Variants in ANOS1 observed in about 807,000 individuals in gnomAD.
The protein encoded by ANOS1 is anosmin-1.
Under a neutral mutation model 59.0 loss-of-function variants are expected in ANOS1, and 6 were observed. That is an observed-to-expected ratio of 0.10 (90% CI 0.06 to 0.20). The LOEUF is 0.20. Among genes scored for constraint, ANOS1 ranks in the 10% least tolerant of loss-of-function variants. The pLI, the probability that ANOS1 is intolerant of heterozygous loss-of-function variation, is 1.00. For synonymous variants in ANOS1, 217 were observed against 223.4 expected (o/e 0.97, Z 0.25); for missense variants, 433 against 542.3 (o/e 0.80, Z 2.00).
Position 8,554,018 on chromosome X carries a change from C to T in ANOS1, c.1288G>A (p.Glu430Lys), listed in dbSNP as rs1384747986. The change falls in exon 9 of 14, where the codon GAA (glutamate) becomes AAA (lysine). Residue 430 changes from glutamate to lysine, a missense_variant. Physicochemically the swap from Glu to Lys is moderately conservative, Grantham distance 56 (BLOSUM62 1). Coordinates refer to ENST00000262648, the MANE Select transcript of ANOS1 (RefSeq NM_000216.4). Reference sequence around the variant, plus strand: ...TCCTGATAGAAGGGAGCTCCGACTTCCAGCGGGCGAGTGGGTCGTCGTCTT... The same window carrying T: ...TCCTGATAGAAGGGAGCTCCGACTTTCAGCGGGCGAGTGGGTCGTCGTCTT... ...FQRRRPTRPL[E>K]VGAPFYQDGQ... is the part of the protein sequence containing the mutation. 8.3e-7 allele frequency: 1 copy of T among 1,207,761 alleles called. No homozygotes were observed. The highest frequency in any genetic ancestry group is 1.8e-5 in the South Asian group (1 of 56,898).
intron 2 of ANOS1, among the ~76,000 whole-genome samples, chrX:8,664,358 T>C (rs1261345653): frequency 9.1e-6 from 1 of 109,733 alleles, no homozygotes; most frequent in African/African-American, 3.3e-5. Context: ...GCCCGGCTAA[T>C]TTTTTTGTAT....
chrX:8,626,856 G>A (rs1172612446), intron 2 of ANOS1, among the ~76,000 whole-genome samples: 6 of 96,987 alleles, frequency 6.2e-5, no homozygotes, highest in Admixed American at 4.6e-4. Context: ...GTGATACTCC[G>A]TCTCAAAAAA....
chrX:8,683,365 G>A (rs1253821014), intron 2 of ANOS1, among the ~76,000 whole-genome samples: 1 of 110,989 alleles, frequency 9.0e-6, no homozygotes, highest in Non-Finnish European at 1.9e-5. Flanking sequence ...GCACTAGTAA[G>A]TAACTCGGCC....
chrX:8,573,505 C>T (rs1300220198), intron 6 of ANOS1, among the ~76,000 whole-genome samples: 3 of 111,663 alleles, frequency 2.7e-5, no homozygotes, highest in Non-Finnish European at 5.6e-5. Context: ...CACTCACTCT[C>T]TAGGGATCTC....
intron 1 of ANOS1, among the ~76,000 whole-genome samples, chrX:8,701,397 T>C (rs953413352): frequency 1.6e-4 from 18 of 112,657 alleles, no homozygotes; most frequent in Admixed American, 2.8e-4. Flanking sequence ...TATTGAGATA[T>C]AATTCACAAA....
chrX:8,731,747 C>T, intron 1 of ANOS1, 83 bp downstream of exon 1: 1 of 1,132,557 alleles, frequency 8.8e-7, no homozygotes, highest in South Asian at 2.0e-5. Context: ...ACTTTGCGAG[C>T]CCAGGCTGGG....
intron 2 of ANOS1, among the ~76,000 whole-genome samples, chrX:8,661,331 G>A (rs1932034439): frequency 8.9e-6 from 1 of 111,834 alleles, no homozygotes; most frequent in African/African-American, 3.3e-5. Context: ...GGTGCCTCCT[G>A]AGGCCCCTCT....
intron 1 of ANOS1, among the ~76,000 whole-genome samples, chrX:8,722,981 C>T (rs1448310083): frequency 1.8e-5 from 2 of 112,114 alleles, no homozygotes; most frequent in East Asian, 2.8e-4. Flanking sequence ...ATTCAACAAA[C>T]GGTGCTGGGA....
rs998887552 is a variant in ANOS1, at chrX:8,614,121, A to G, written c.318+9487T>C. 2.7e-5 allele frequency among the ~76,000 whole-genome samples: 3 copies of G among 111,706 alleles called. No individual in the cohort carries two copies. The East Asian group carries it at 8.5e-4, about 32-fold the overall frequency. ...CAGATGCATGAGTTTCTCCCTCTCC[A>G]TATTTACATTTCCTTCACCCCTAGT... On this transcript the variant is annotated intron_variant, in intron 3 of 13. Transcript: ENST00000262648.
intron 9 of ANOS1, among the ~76,000 whole-genome samples, chrX:8,545,409 A>AAGGAAGGCAGGC (rs745936247): frequency 1.9e-5 from 2 of 104,590 alleles, no homozygotes; most frequent in East Asian, 3.1e-4. Context: ...GGAAGGAAGG[A>AAGGAAGGCAGGC]AGGCAGGCAG....
intron 9 of ANOS1, among the ~76,000 whole-genome samples, chrX:8,547,158 A>C (rs766465140): frequency 4.5e-5 from 5 of 111,520 alleles, no homozygotes; most frequent in Non-Finnish European, 9.4e-5. Context: ...GCTTTTGCTA[A>C]CATCTCTAAG....
At chrX:8,570,152 A>C (rs1305935150) in intron 7 of ANOS1, among the ~76,000 whole-genome samples, 1 of 110,952 alleles carries the variant, frequency 9.0e-6, no homozygotes, top group Non-Finnish European at 1.9e-5. Context: ...AAAAAAAAAA[A>C]AAAAAACTTA....
At chrX:8,723,918 C>T (rs1320186555) in intron 1 of ANOS1, among the ~76,000 whole-genome samples, 1 of 111,967 alleles carries the variant, frequency 8.9e-6, no homozygotes, top group Non-Finnish European at 1.9e-5. Flanking sequence ...TCAAGCTTGC[C>T]TGAACAGTGC....
rs1932251085 is a variant in ANOS1 at position 8,671,327 on chromosome X, C to T, written c.255+28371G>A. Reference sequence around the variant, plus strand: ...CCGACTCTTCAGAAGTTCATATCCTCAGAGAACTTTTGCAATAATTCATAT... The same window carrying T: ...CCGACTCTTCAGAAGTTCATATCCTTAGAGAACTTTTGCAATAATTCATAT... On this transcript the variant is annotated intron_variant, in intron 2 of 13. Transcript: ENST00000262648. 2.7e-5 allele frequency among the ~76,000 whole-genome samples: 3 copies of T among 111,423 alleles called. No individual in the cohort carries two copies. In the Admixed American group the frequency reaches 2.9e-4, roughly 11 times the overall value.
intron 6 of ANOS1, among the ~76,000 whole-genome samples, chrX:8,576,305 G>T (rs1000745043): frequency 4.0e-4 from 44 of 110,992 alleles, no homozygotes; most frequent in Non-Finnish European, 7.2e-4. Context: ...CTATATCTAA[G>T]TCATTCTCTG....
At chrX:8,616,047 T>C (rs1931169646) in intron 3 of ANOS1, among the ~76,000 whole-genome samples, 1 of 110,075 alleles carries the variant, frequency 9.1e-6, no homozygotes, top group Non-Finnish European at 1.9e-5. Context: ...CTGATCACTT[T>C]TTTTTTTTAC....
At chrX:8,688,106 A>AC (rs749440243) in intron 2 of ANOS1, among the ~76,000 whole-genome samples, 6 of 111,508 alleles carry the variant, frequency 5.4e-5, no homozygotes, top group African/African-American at 9.8e-5. Context: ...GCAAATGTGG[A>AC]CCCCCCTTAA....
chrX:8,723,994 A>C lies in ANOS1; in HGVS notation c.207+7836T>G, dbSNP rs113345882. On this transcript the variant is annotated intron_variant, in intron 1 of 13. Transcript: ENST00000262648. ...ATGATGTGCTTACCTACTAGGTCCA[A>C]GAATTGAAATCTTTTTACTGAAGTC... Among the ~76,000 whole-genome samples the C allele has an allele frequency of 5.2e-3, 585 of 112,650 alleles. 5 individuals are homozygous for C. The highest frequency in any genetic ancestry group is 0.018 in the African/African-American group (555 of 31,051).
chrX:8,578,175 T>C (rs894092929), intron 6 of ANOS1, among the ~76,000 whole-genome samples: 7 of 111,748 alleles, frequency 6.3e-5, no homozygotes, highest in Non-Finnish European at 5.6e-5. Context: ...GATGTAACTT[T>C]GGTCAAGTGC....
Sources: allele counts gnomAD v4.1 joint callset (sites outside exome capture counted in the v4.1 genomes callset), GRCh38; gene constraint gnomAD v4.1.1; transcripts MANE v1.5; gene names NCBI Gene and HGNC (gene_info 2026-07-23, HGNC 2026-07-21).